Variants in KCNK9 observed in about 807,000 individuals in gnomAD.
KCNK9 encodes the protein potassium two pore domain channel subfamily K member 9, also known as potassium channel subfamily K member 9.
Under a neutral mutation model 10.8 loss-of-function variants are expected in KCNK9, and 1 was observed. The ratio of observed to expected loss-of-function variants is 0.09; its 90% CI spans 0.03 to 0.44. The LOEUF (loss-of-function observed/expected upper bound fraction) is 0.44. Ranked by LOEUF, KCNK9 falls within the 20% of genes least tolerant of loss-of-function variation. The probability of loss-of-function intolerance (pLI) is 0.97; values close to 1 mark genes in which losing one functional copy is unlikely to be tolerated. For missense variants in KCNK9, 303 were observed against 515.0 expected (o/e 0.59, Z 3.98); for synonymous variants, 231 against 222.7 (o/e 1.04, Z -0.33).
At chr8:139,612,048 GAAGA>G (rs1814442551), downstream of KCNK9, 1 of 152,230 alleles carries the variant, frequency 6.6e-6, no homozygotes, top group Admixed American at 6.5e-5. Flanking sequence ...GGGGAGCCCA[GAAGA>G]GGACATCGCC....
At chr8:139,622,660 T>A (rs949676950) in intron 1 of KCNK9, among the ~76,000 whole-genome samples, 1 of 152,354 alleles carries the variant, frequency 6.6e-6, no homozygotes, top group East Asian at 1.9e-4. Flanking sequence ...AAATAGCCCA[T>A]TTATTAATCA....
At chr8:139,679,021 GT>G (rs1816624213) in intron 1 of KCNK9, among the ~76,000 whole-genome samples, 1 of 152,198 alleles carries the variant, frequency 6.6e-6, no homozygotes, top group Non-Finnish European at 1.5e-5. Context: ...GGGAGTTAGG[GT>G]TTGCTTTGTT....
chr8:139,685,396 T>C (rs1307400391), intron 1 of KCNK9, among the ~76,000 whole-genome samples: 1 of 152,236 alleles, frequency 6.6e-6, no homozygotes, highest in African/African-American at 2.4e-5. Flanking sequence ...ACTCGTCGTT[T>C]ACATTAGGTA....
At chr8:139,699,682 C>A (rs941332460) in intron 1 of KCNK9, among the ~76,000 whole-genome samples, 2 of 152,232 alleles carry the variant, frequency 1.3e-5, no homozygotes, top group Non-Finnish European at 2.9e-5. Flanking sequence ...ACAATGGTCA[C>A]TGTGCCCCGG....
chr8:139,617,327 A>G lies in KCNK9; in HGVS notation c.*931T>C, dbSNP rs1378638849. ...TCCAACAATTTTCCCGTTTCCCCTGACAATTCCAGTTGCATGGTAAATTGT... is the reference window on the plus strand; with the variant it reads ...TCCAACAATTTTCCCGTTTCCCCTGGCAATTCCAGTTGCATGGTAAATTGT... On this transcript the variant is annotated 3_prime_UTR_variant, in exon 2 of 2. Coordinates refer to ENST00000520439, the MANE Select transcript of KCNK9 (RefSeq NM_001282534.2). Among the ~76,000 whole-genome samples the G allele has an allele frequency of 1.3e-5, 2 of 152,224 alleles. No homozygotes were observed. The highest frequency in any genetic ancestry group is 2.4e-5 in the African/African-American group (1 of 41,466).
At chr8:139,678,704 C>T (rs1816617720) in intron 1 of KCNK9, among the ~76,000 whole-genome samples, 1 of 152,250 alleles carries the variant, frequency 6.6e-6, no homozygotes, top group African/African-American at 2.4e-5. Context: ...GGCCTGTGGG[C>T]TTGGGTGGGC....
chr8:139,615,207 G>T (rs1814545828), downstream of KCNK9, among the ~76,000 whole-genome samples: 1 of 152,134 alleles, frequency 6.6e-6, no homozygotes, highest in African/African-American at 2.4e-5. Flanking sequence ...AGAAATCAGT[G>T]GGAAGACCTA....
chr8:139,700,093 AC>A (rs1262438351), intron 1 of KCNK9, among the ~76,000 whole-genome samples: 1 of 152,154 alleles, frequency 6.6e-6, no homozygotes, highest in East Asian at 1.9e-4. Flanking sequence ...AGAAAAAAAA[AC>A]AAACAGAATT....
chr8:139,663,521 C>T (rs117371308), intron 1 of KCNK9, among the ~76,000 whole-genome samples: 8,609 of 152,056 alleles, frequency 0.057, 330 homozygotes, highest in Non-Finnish European at 0.086. Context: ...CCCACCTGCT[C>T]GTTCACCCTG....
chr8:139,679,402 G>A (rs758680269), intron 1 of KCNK9, among the ~76,000 whole-genome samples: 1 of 152,218 alleles, frequency 6.6e-6, no homozygotes, highest in Non-Finnish European at 1.5e-5. Flanking sequence ...TCCCCCAGGA[G>A]CCCTGCCAGC....
chr8:139,702,687 C>T lies in KCNK9; in HGVS notation c.283+23G>A, dbSNP rs771070822. ...CGGACTCCTCCCGGGGCGCGGGAGC[C>T]CAGCGGCGCGCCCAGCCCTTACCTA... On this transcript the variant is annotated intron_variant, in intron 1 of 1. Coordinates refer to ENST00000520439, the MANE Select transcript of KCNK9 (RefSeq NM_001282534.2). This position sits in a 1 kb window ranked among gnomAD's most constrained non-coding sequence, Gnocchi z 7.5. 6 of 1,593,406 alleles carry T rather than the reference C, an allele frequency of 3.8e-6. No individual in the cohort carries two copies. In the Admixed American group the frequency reaches 1.0e-4, roughly 27 times the overall value.
intron 1 of KCNK9, among the ~76,000 whole-genome samples, chr8:139,686,534 T>C (rs1246832713): frequency 6.6e-6 from 1 of 152,220 alleles, no homozygotes; most frequent in East Asian, 1.9e-4. Flanking sequence ...CAATTTTAAA[T>C]GTGCAAAATG....
At chr8:139,675,527 T>G (rs2129746824) in intron 1 of KCNK9, among the ~76,000 whole-genome samples, 2 of 152,228 alleles carry the variant, frequency 1.3e-5, no homozygotes, top group South Asian at 4.2e-4. Context: ...ACAGGAGAAG[T>G]CAGCCATCTG....
intron 1 of KCNK9, among the ~76,000 whole-genome samples, chr8:139,638,593 G>T (rs902853418): frequency 1.3e-5 from 2 of 152,196 alleles, no homozygotes; most frequent in African/African-American, 4.8e-5. Flanking sequence ...AGGGAGCTTC[G>T]CTGGGTCCCT....
In KCNK9 at chr8:139,702,139, G is replaced by T. The variant is rs181473822; in HGVS notation, c.283+571C>A. 6.6e-6 allele frequency among the ~76,000 whole-genome samples: 1 copy of T among 152,302 alleles called. No individual in the cohort carries two copies. Among genetic ancestry groups the T allele is most frequent in the East Asian group, 1.9e-4 (1 of 5,170 alleles). On this transcript the variant is annotated intron_variant, in intron 1 of 1. Transcript: ENST00000520439. This position sits in a 1 kb window ranked among gnomAD's most constrained non-coding sequence, Gnocchi z 7.5. Reference sequence around the variant, plus strand: ...GTCCAAGCTCCAGAACTGGAACTCAGGGGAAAAAAGGAGCCGGGCGGGGGG... The same window carrying T: ...GTCCAAGCTCCAGAACTGGAACTCATGGGAAAAAAGGAGCCGGGCGGGGGG...
chr8:139,631,492 T>C (rs1418494585), intron 1 of KCNK9, among the ~76,000 whole-genome samples: 1 of 152,194 alleles, frequency 6.6e-6, no homozygotes, highest in Admixed American at 6.5e-5. Context: ...ACTCAGAGCC[T>C]GGCCCTGGCT....
chr8:139,660,191 T>C (rs73360032), intron 1 of KCNK9, among the ~76,000 whole-genome samples: 2,914 of 152,214 alleles, frequency 0.019, 83 homozygotes, highest in African/African-American at 0.066. Context: ...AATATTATTA[T>C]ATTAAATGGT....
intron 1 of KCNK9, among the ~76,000 whole-genome samples, chr8:139,664,497 A>C (rs944439928): frequency 1.3e-5 from 2 of 152,066 alleles, no homozygotes; most frequent in African/African-American, 4.8e-5. Flanking sequence ...TTATTAGCTA[A>C]ATATGCTCCC....
chr8:139,655,752 G>T (rs1193650636), intron 1 of KCNK9, among the ~76,000 whole-genome samples: 1 of 152,306 alleles, frequency 6.6e-6, no homozygotes, highest in East Asian at 1.9e-4. Context: ...CCACTCAGGG[G>T]CTCTGCCAAT....
Sources: allele counts gnomAD v4.1 joint callset (sites outside exome capture counted in the v4.1 genomes callset), GRCh38; gene constraint gnomAD v4.1.1; non-coding constraint Gnocchi (gnomAD v3.1); transcripts MANE v1.5; gene names NCBI Gene and HGNC (gene_info 2026-07-23, HGNC 2026-07-21).